OSM: variants seen among roughly 807,000 people sequenced by gnomAD.
OSM encodes oncostatin M.
In OSM, 1 loss-of-function variant was observed where a neutral mutation model predicts 6.3. That is an observed-to-expected ratio of 0.16 (90% CI 0.06 to 0.76). The LOEUF is 0.76. Ranked by LOEUF, OSM falls within the 30% of genes least tolerant of loss-of-function variation. The probability of loss-of-function intolerance (pLI) is 0.77; values close to 1 mark genes in which losing one functional copy is unlikely to be tolerated. For missense variants in OSM, 324 were observed against 336.9 expected (o/e 0.96, Z 0.30); for synonymous variants, 135 against 143.4 (o/e 0.94, Z 0.42).
rs768656461 is a variant in OSM, at chr22:30,264,297, C to A, written c.345G>T (p.Gln115His). ...CVLHRLADLE[Q>H]RLPKAQDLER... is the part of the protein sequence containing the mutation. ...CCAAATCCTGGGCCTTGGGGAGGCG[C>A]TGCTCTAAGTCGGCCAGTCTGTGCA... The change falls in exon 3 of 3, where the codon CAG (glutamine) becomes CAT (histidine). Residue 115 changes from glutamine to histidine, a missense_variant. Coordinates refer to ENST00000215781, the MANE Select transcript of OSM (RefSeq NM_020530.6). 1.9e-6 allele frequency: 3 copies of A among 1,614,114 alleles called. No homozygotes were observed. The East Asian group carries it at 6.7e-5, about 36-fold the overall frequency.
At chr22:30,264,581 A>G in intron 2 of OSM, 117 bp from the exon 3 acceptor site, 1 of 885,568 alleles carries the variant, frequency 1.1e-6, no homozygotes, top group Non-Finnish European at 1.7e-6. Context: ...CACTGGACAG[A>G]TCCGGAAACT....
At chr22:30,264,559 A>G (rs1000277910) in intron 2 of OSM, 95 bp from the exon 3 acceptor site, 13 of 1,025,470 alleles carry the variant, frequency 1.3e-5, no homozygotes, top group Non-Finnish European at 1.6e-5. Flanking sequence ...CATGCACCCC[A>G]ATCCAATCTC....
At chr22:30,265,259 G>A in intron 1 of OSM, 115 bp from the exon 2 acceptor site, 1 of 1,513,872 alleles carries the variant, frequency 6.6e-7, no homozygotes, top group South Asian at 1.3e-5. Flanking sequence ...CAGACTTTGT[G>A]TAGTGGAGGG....
In OSM at chr22:30,264,409, G is replaced by T. The variant is rs776159399; in HGVS notation, c.233C>A (p.Pro78His). The T allele has an allele frequency of 1.2e-6, 2 of 1,613,882 alleles. No individual in the cohort carries two copies. Among genetic ancestry groups the T allele is most frequent in the Non-Finnish European group, 1.7e-6 (2 of 1,179,868 alleles). ...GGTCTCCTCACTGGGGAAGGCCCCGGGGCGCTCCCTGCAGTGCTCTCTCAG... is the reference window on the plus strand; with the variant it reads ...GGTCTCCTCACTGGGGAAGGCCCCGTGGCGCTCCCTGCAGTGCTCTCTCAG... ...PKLREHCRERPGAFPSEETLR... is the reference protein window; with the variant it reads ...PKLREHCRERHGAFPSEETLR... The change falls in exon 3 of 3, where the codon CCC (proline) becomes CAC (histidine). Residue 78 changes from proline (P) to histidine (H), a missense_variant. By Grantham distance (77) the Pro-to-His change is moderately conservative. Coordinates refer to ENST00000215781, the MANE Select transcript of OSM (RefSeq NM_020530.6).
intron 1 of OSM, chr22:30,265,389 C>G: frequency 2.0e-6 from 2 of 985,488 alleles, no homozygotes; most frequent in South Asian, 4.7e-5. Flanking sequence ...GGGACTGAGA[C>G]AGTGGCTGCG....
At chr22:30,265,482 A>C in intron 1 of OSM, 1 of 951,328 alleles carries the variant, frequency 1.1e-6, no homozygotes, top group Non-Finnish European at 1.3e-6. Flanking sequence ...TAACCTCGGG[A>C]GCTGACTCTC....
In OSM at chr22:30,265,137, G is replaced by A. The variant is rs748935390; in HGVS notation, c.42C>T (p.Val14=). Residue 14 remains valine (V), a synonymous_variant, in exon 2 of 3, where the codon GTC becomes GTT. Coordinates refer to ENST00000215781, the MANE Select transcript of OSM (RefSeq NM_020530.6). ...CCATGCTTGGAAACAGGAGTGCAAG[G>A]ACCAGACCTAAGGCAGAGAAGAGGG... is the stretch of plus-strand genomic sequence containing the variant. ...LLTQRTLLSL[V]LALLFPSMAS... The A allele has an allele frequency of 6.2e-7, 1 of 1,613,512 alleles. No homozygotes were observed.
At chr22:30,264,653 G>A (rs867377869) in intron 2 of OSM, among the ~76,000 whole-genome samples, 189 bp from the exon 3 acceptor site, 3 of 152,206 alleles carry the variant, frequency 2.0e-5, no homozygotes, top group Non-Finnish European at 4.4e-5. Flanking sequence ...GATGTTGGGG[G>A]GCTGGTGGGA....
Position 30,263,144 on chromosome 22 carries a change from C to T in OSM, c.*739G>A, listed in dbSNP as rs1205540511. 1 of 152,798 alleles carries T rather than the reference C, an allele frequency of 6.5e-6. No individual in the cohort carries two copies. The highest frequency in any genetic ancestry group is 1.5e-5 in the Non-Finnish European group (1 of 68,050). The allele number at this position is 152,798 out of a possible 1,614,324, so 9.5% of individuals were successfully genotyped here. The stretch of plus-strand genomic sequence containing the variant: ...GTACACCTCCCAGCGCCATTTGCAC[C>T]ACCTGTCCTGATTTACAGATTTTTA... On this transcript the variant is annotated 3_prime_UTR_variant, in exon 3 of 3. Transcript: ENST00000215781.
At position 30,265,226 on chromosome 22, in the gene OSM, C is replaced by T. The variant is rs1404200937; in HGVS notation, c.35-82G>A. Reference sequence around the variant, plus strand: ...CCTCGGGGAGGGGGTTCAAGAGGGCCTTGAAAGGTGCCTCCTTCATCCCAG... The same window carrying T: ...CCTCGGGGAGGGGGTTCAAGAGGGCTTTGAAAGGTGCCTCCTTCATCCCAG... On this transcript the variant is annotated intron_variant, in intron 1 of 2. Transcript: ENST00000215781. The T allele has an allele frequency of 3.2e-6, 5 of 1,544,348 alleles. No individual in the cohort carries two copies. In the African/African-American group the frequency reaches 6.8e-5, roughly 21 times the overall value.
In OSM at chr22:30,266,396, G is replaced by A. The variant is rs1483567987; in HGVS notation, c.34+370C>T. On this transcript the variant is annotated intron_variant, in intron 1 of 2. Transcript: ENST00000215781. This position sits in a 1 kb window ranked among gnomAD's most constrained non-coding sequence, Gnocchi z 5.0. ...CTGACTTTCTATTCATCCCGGGCAA[G>A]CTGGAGGCCCCACAACCCCTCCACA... 6.6e-6 allele frequency among the ~76,000 whole-genome samples: 1 copy of A among 152,088 alleles called. No homozygotes were observed. Among genetic ancestry groups the A allele is most frequent in the Non-Finnish European group, 1.5e-5 (1 of 67,996 alleles).
At position 30,264,432 on chromosome 22, in the gene OSM, C is replaced by A; in HGVS notation, c.210G>T (p.Leu70=). ...IRIQGLDVPK[L]REHCRERPGA... is the part of the protein sequence containing the mutation. Reference sequence around the variant, plus strand: ...CGGGGCGCTCCCTGCAGTGCTCTCTCAGTTTAGGAACATCCAGGCCTTGGA... The same window carrying A: ...CGGGGCGCTCCCTGCAGTGCTCTCTAAGTTTAGGAACATCCAGGCCTTGGA... Residue 70 remains leucine, a synonymous_variant, in exon 3 of 3, where the codon CTG becomes CTT. Transcript: ENST00000215781. 6.2e-7 allele frequency: 1 copy of A among 1,611,094 alleles called. No homozygotes were observed.
chr22:30,264,825 T>A (rs1009704508), intron 2 of OSM, among the ~76,000 whole-genome samples, 177 bp downstream of exon 2: 1 of 152,102 alleles, frequency 6.6e-6, no homozygotes, highest in Non-Finnish European at 1.5e-5. Flanking sequence ...ACCACAGAGC[T>A]AGGAAAGCTG....
rs1048435867 is a variant in OSM, at chr22:30,266,079, C to T, written c.34+687G>A. Among the ~76,000 whole-genome samples, 11 of 152,268 alleles carry T rather than the reference C, an allele frequency of 7.2e-5. No individual in the cohort carries two copies. The highest frequency in any genetic ancestry group is 1.3e-4 in the Non-Finnish European group (9 of 68,046). On this transcript the variant is annotated intron_variant, in intron 1 of 2. Coordinates refer to ENST00000215781, the MANE Select transcript of OSM (RefSeq NM_020530.6). This position sits in a 1 kb window ranked among gnomAD's most constrained non-coding sequence, Gnocchi z 5.0. ...CAGGCACCCAGGCTTAGCGACCCCA[C>T]GGCACCCTCGCCGCCTCCCCAGGTA...
In OSM at chr22:30,266,102, G is replaced by A. The variant is rs1265753080; in HGVS notation, c.34+664C>T. Among the ~76,000 whole-genome samples the A allele has an allele frequency of 6.6e-6, 1 of 152,246 alleles. No homozygotes were observed. The highest frequency in any genetic ancestry group is 1.5e-5 in the Non-Finnish European group (1 of 68,024). On this transcript the variant is annotated intron_variant, in intron 1 of 2. Transcript: ENST00000215781. The surrounding 1 kb of genome is among the most constrained non-coding windows in gnomAD (Gnocchi z 5.0). ...CACGGCACCCTCGCCGCCTCCCCAG[G>A]TATCTGCTGCCGGGCTCTGGCAGGG...
rs200043056 is a variant in OSM at position 30,263,521 on chromosome 22, A to G, written c.*362T>C. On this transcript the variant is annotated 3_prime_UTR_variant, in exon 3 of 3. Transcript: ENST00000215781. ...TCTGGGGGCAACGGCCCTGCAAGTC[A>G]TGAGAGGGAAGGACCGGCAGGCCTC... The G allele has an allele frequency of 1.2e-4, 30 of 255,582 alleles. No individual in the cohort carries two copies. In the South Asian group the frequency reaches 4.4e-3, roughly 38 times the overall value. The allele number at this position is 255,582 out of a possible 1,614,324, so 15.8% of individuals were successfully genotyped here.
At position 30,266,362 on chromosome 22, in the gene OSM, C is replaced by G. The variant is rs1929392425; in HGVS notation, c.34+404G>C. On this transcript the variant is annotated intron_variant, in intron 1 of 2. Coordinates refer to ENST00000215781, the MANE Select transcript of OSM (RefSeq NM_020530.6). This position sits in a 1 kb window ranked among gnomAD's most constrained non-coding sequence, Gnocchi z 5.0. ...GTGATTGTGTGGGCCCTGGGGCCCC[C>G]AGGCCTGGCTGACTTTCTATTCATC... 6.6e-6 allele frequency among the ~76,000 whole-genome samples: 1 copy of G among 152,106 alleles called. No homozygotes were observed. The highest frequency in any genetic ancestry group is 2.4e-5 in the African/African-American group (1 of 41,418).
chr22:30,265,343 G>A, intron 1 of OSM, 199 bp from the exon 2 acceptor site: 2 of 985,494 alleles, frequency 2.0e-6, no homozygotes, highest in Non-Finnish European at 2.4e-6. Context: ...TCCCCAGTAA[G>A]TCACTGCCCA....
At position 30,263,949 on chromosome 22, in the gene OSM, C is replaced by T. The variant is rs759408997; in HGVS notation, c.693G>A (p.Gly231=). The change falls in exon 3 of 3, where the codon GGG becomes GGA. Residue 231 remains glycine (G), a synonymous_variant. Coordinates refer to ENST00000215781, the MANE Select transcript of OSM (RefSeq NM_020530.6). ...RHSPHQALRK[G]VRRTRPSRKG... ...TCCTGGAGGGTCTGGTCCTGCGCAC[C>T]CCCTTCCTCAGGGCCTGGTGGGGGC... 1 of 1,523,770 alleles carries T rather than the reference C, an allele frequency of 6.6e-7. No homozygotes were observed. Among genetic ancestry groups the T allele is most frequent in the Non-Finnish European group, 8.8e-7 (1 of 1,137,392 alleles). 94.4% of individuals were successfully genotyped at this position (1,523,770 alleles called of 1,614,324 possible).
Sources: allele counts gnomAD v4.1 joint callset (sites outside exome capture counted in the v4.1 genomes callset), GRCh38; gene constraint gnomAD v4.1.1; non-coding constraint Gnocchi (gnomAD v3.1); transcripts MANE v1.5; gene names NCBI Gene and HGNC (gene_info 2026-07-23, HGNC 2026-07-21).